The following GABBR2 variants were observed in gnomAD, a reference collection of about 807,000 sequenced individuals.
The protein encoded by GABBR2 is gamma-aminobutyric acid type B receptor subunit 2.
GABBR2 carries 23 observed loss-of-function variants against 105.6 expected under a neutral mutation model. The ratio of observed to expected loss-of-function variants is 0.22; its 90% CI spans 0.16 to 0.31. GABBR2 has a LOEUF of 0.31. GABBR2 is among the 10% of genes least tolerant of loss of function. GABBR2 has a pLI of 1.00. For synonymous variants in GABBR2, 478 were observed against 499.7 expected (o/e 0.96, Z 0.58); for missense variants, 734 against 1,245.5 (o/e 0.59, Z 6.18).
At chr9:98,402,647 T>C (rs1313747323) in intron 8 of GABBR2, among the ~76,000 whole-genome samples, 5 of 152,042 alleles carry the variant, frequency 3.3e-5, no homozygotes, top group African/African-American at 7.2e-5. Context: ...GCAGGTTTCT[T>C]TGTGGGCAAC....
At chr9:98,424,233 C>T (rs537157329) in intron 7 of GABBR2, among the ~76,000 whole-genome samples, 3 of 152,288 alleles carry the variant, frequency 2.0e-5, no homozygotes, top group African/African-American at 7.2e-5. Flanking sequence ...CAAAAAACCA[C>T]ATGATTATCT....
intron 1 of GABBR2, among the ~76,000 whole-genome samples, chr9:98,641,302 T>A (rs1287590892): frequency 6.7e-6 from 1 of 150,134 alleles, no homozygotes; most frequent in African/African-American, 2.4e-5. Flanking sequence ...CCCAGCTATT[T>A]TTTTTTTTTT....
chr9:98,630,728 G>T lies in GABBR2; in HGVS notation c.322-52656C>A, dbSNP rs1368759972. 5.3e-5 allele frequency among the ~76,000 whole-genome samples: 8 copies of T among 152,158 alleles called. No individual in the cohort carries two copies. The East Asian group carries it at 1.3e-3, about 26-fold the overall frequency. ...CCCAATAAAGGAAAGGAGTCAGTGT[G>T]AGAGGCCTCAAGTCTCTGTTAAAAA... On this transcript the variant is annotated intron_variant, in intron 1 of 18. Coordinates refer to ENST00000259455, the MANE Select transcript of GABBR2 (RefSeq NM_005458.8).
At chr9:98,677,056 TC>T (rs1830486068) in intron 1 of GABBR2, among the ~76,000 whole-genome samples, 2 of 152,110 alleles carry the variant, frequency 1.3e-5, no homozygotes, top group African/African-American at 4.8e-5. Context: ...AGCCTCAACT[TC>T]CCCTGCCTTA....
At chr9:98,551,427 A>C (rs895107193) in intron 2 of GABBR2, among the ~76,000 whole-genome samples, 23 of 152,126 alleles carry the variant, frequency 1.5e-4, no homozygotes, top group African/African-American at 5.1e-4. Flanking sequence ...CAAACCAAAC[A>C]AAACAAAAAC....
chr9:98,637,648 T>C (rs528782536), intron 1 of GABBR2, among the ~76,000 whole-genome samples: 1 of 152,272 alleles, frequency 6.6e-6, no homozygotes, highest in Non-Finnish European at 1.5e-5. Context: ...TGACCAGCCA[T>C]TATTGCCTTT....
intron 17 of GABBR2, among the ~76,000 whole-genome samples, chr9:98,296,001 A>G (rs1424973506): frequency 2.0e-5 from 3 of 152,230 alleles, no homozygotes; most frequent in African/African-American, 4.8e-5. Flanking sequence ...GAAAGAACAT[A>G]ACTACCGCTA....
In GABBR2 at chr9:98,322,691, A is replaced by G. The variant is rs115042020; in HGVS notation, c.1894-11486T>C. Among the ~76,000 whole-genome samples the G allele has an allele frequency of 2.9e-3, 431 of 149,492 alleles. 2 individuals are homozygous for G. Among genetic ancestry groups the G allele is most frequent in the African/African-American group, 0.01 (412 of 40,386 alleles). On this transcript the variant is annotated intron_variant, in intron 13 of 18. Coordinates refer to ENST00000259455, the MANE Select transcript of GABBR2 (RefSeq NM_005458.8). ...CATCTCTCCTCCTATGACACAGTCC[A>G]TCATCTCTCCTCCTGGTGCCCTTAT...
intron 7 of GABBR2, among the ~76,000 whole-genome samples, chr9:98,419,098 C>T (rs956784386): frequency 2.0e-5 from 3 of 152,014 alleles, no homozygotes; most frequent in African/African-American, 7.2e-5. Flanking sequence ...CAGATTGGCC[C>T]GGGGGGGCGG....
chr9:98,438,085 T>TATCC (rs57464910), intron 7 of GABBR2, among the ~76,000 whole-genome samples: 7 of 149,248 alleles, frequency 4.7e-5, no homozygotes, highest in African/African-American at 1.7e-4. Context: ...TCCACACATC[T>TATCC]ATCCATCCAT....
intron 1 of GABBR2, among the ~76,000 whole-genome samples, chr9:98,648,345 C>G (rs1444175973): frequency 6.6e-6 from 1 of 151,996 alleles, no homozygotes; most frequent in Non-Finnish European, 1.5e-5. Context: ...GTTGGCCAGG[C>G]TGGTCTCGAA....
intron 13 of GABBR2, among the ~76,000 whole-genome samples, chr9:98,331,420 T>A: frequency 8.6e-6 from 1 of 116,282 alleles, no homozygotes; most frequent in Non-Finnish European, 1.9e-5. Flanking sequence ...TTTTTTTTTT[T>A]TGTGAAACAT....
rs569780419 is a variant in GABBR2, at chr9:98,549,214, G to A, written c.460-7171C>T. 1.6e-4 allele frequency among the ~76,000 whole-genome samples: 20 copies of A among 122,314 alleles called. 6 individuals carry two copies. The East Asian group carries it at 3.5e-3, about 22-fold the overall frequency. 80.2% of individuals were successfully genotyped at this position (122,314 alleles called of 152,430 possible). A position where few individuals can be genotyped will look rare whatever the true frequency, so the allele number is the denominator to read the frequency against. ...ACCTGCTTTGGCCTCCCAAAGTGCT[G>A]GGATTACAGGCGTGAGCCACTGTGC... On this transcript the variant is annotated intron_variant, in intron 2 of 18. Transcript: ENST00000259455.
chr9:98,608,756 C>T (rs532238518), intron 1 of GABBR2, among the ~76,000 whole-genome samples: 3 of 152,180 alleles, frequency 2.0e-5, no homozygotes, highest in Non-Finnish European at 4.4e-5. Flanking sequence ...TTAGTGCACT[C>T]TTTAGCCAGA....
At chr9:98,436,672 G>A (rs1238540705) in intron 7 of GABBR2, among the ~76,000 whole-genome samples, 1 of 151,572 alleles carries the variant, frequency 6.6e-6, no homozygotes, top group East Asian at 2.0e-4. Context: ...CCCCCAGCAA[G>A]CTAAATGAGC....
At chr9:98,445,419 A>T (rs1826108727) in intron 7 of GABBR2, among the ~76,000 whole-genome samples, 1 of 152,166 alleles carries the variant, frequency 6.6e-6, no homozygotes, top group Non-Finnish European at 1.5e-5. Flanking sequence ...TATAGTAAAA[A>T]TTTTCTCTTG....
chr9:98,627,359 T>C (rs1829753363), intron 1 of GABBR2, among the ~76,000 whole-genome samples: 1 of 152,132 alleles, frequency 6.6e-6, no homozygotes, highest in Admixed American at 6.5e-5. Flanking sequence ...ATAGGAGCCA[T>C]GGACCCAGGA....
intron 8 of GABBR2, among the ~76,000 whole-genome samples, chr9:98,397,060 G>A (rs998070838): frequency 2.6e-5 from 4 of 152,160 alleles, no homozygotes; most frequent in African/African-American, 4.8e-5. Context: ...GCTCAGCAGC[G>A]ACCCAGTGGG....
chr9:98,329,413 G>A (rs567563949), intron 13 of GABBR2, among the ~76,000 whole-genome samples: 1 of 152,308 alleles, frequency 6.6e-6, no homozygotes, highest in African/African-American at 2.4e-5. Flanking sequence ...AATTATGGAG[G>A]GAGCAAAACC....
Sources: allele counts gnomAD v4.1 joint callset (sites outside exome capture counted in the v4.1 genomes callset), GRCh38; gene constraint gnomAD v4.1.1; transcripts MANE v1.5; gene names NCBI Gene and HGNC (gene_info 2026-07-23, HGNC 2026-07-21).